The following KPTN variants were observed in gnomAD, a reference collection of about 807,000 sequenced individuals.
KPTN encodes kaptin, actin binding protein, also known as KICSTOR complex protein kaptin.
In KPTN, 36 loss-of-function variants were observed where a neutral mutation model predicts 52.6. That is an observed-to-expected ratio of 0.68 (90% CI 0.52 to 0.90). KPTN has a LOEUF of 0.90. Ranked by LOEUF, KPTN falls within the 40% of genes least tolerant of loss-of-function variation. The pLI is 0.00. For missense variants in KPTN, 529 were observed against 576.2 expected (o/e 0.92, Z 0.84); for synonymous variants, 271 against 248.4 (o/e 1.09, Z -0.85).
Position 47,483,594 on chromosome 19 carries a change from G to GA in KPTN, c.227-11dup. The GA allele has an allele frequency of 6.5e-7, 1 of 1,544,640 alleles. No homozygotes were observed. The highest frequency in any genetic ancestry group is 8.8e-7 in the Non-Finnish European group (1 of 1,140,390). ...ACAATCTCCGCATCCACTGGGAGGGGAGAGTTCTAAGTTCAGTGTCAGGCA... is the reference window on the plus strand; with the variant it reads ...ACAATCTCCGCATCCACTGGGAGGGGAAGAGTTCTAAGTTCAGTGTCAGGCA... On this transcript the variant is annotated splice_polypyrimidine_tract_variant and intron_variant, in intron 1 of 11. Coordinates refer to ENST00000338134, the MANE Select transcript of KPTN (RefSeq NM_007059.4).
chr19:47,480,336 C>T lies in KPTN; in HGVS notation c.671G>A (p.Gly224Asp), dbSNP rs1226640978. The change falls in exon 7 of 12, where the codon GGT becomes GAT. Residue 224 changes from glycine (G) to aspartate (D), a missense_variant. Coordinates refer to ENST00000338134, the MANE Select transcript of KPTN (RefSeq NM_007059.4). Reference protein sequence around the residue: ...RRLSALGCQSGYVRVAHVDQR... With the variant: ...RRLSALGCQSDYVRVAHVDQR... ...GTCCACGTGGGCGACACGGACATAA[C>T]CACTCTGACAGCCCAGAGCTGAGAG... is the stretch of plus-strand genomic sequence containing the variant. The T allele has an allele frequency of 1.3e-6, 2 of 1,516,970 alleles. No individual in the cohort carries two copies. Among genetic ancestry groups the T allele is most frequent in the Non-Finnish European group, 1.8e-6 (2 of 1,126,434 alleles). The allele number at this position is 1,516,970 out of a possible 1,614,324, so 94.0% of individuals were successfully genotyped here.
chr19:47,478,860 A>G (rs1967768528), intron 8 of KPTN, among the ~76,000 whole-genome samples: 1 of 152,208 alleles, frequency 6.6e-6, no homozygotes, highest in Non-Finnish European at 1.5e-5. Flanking sequence ...AAAGGCATAC[A>G]GAGTGTATAA....
rs372237508 is a variant in KPTN at position 47,484,057 on chromosome 19, G to T, written c.104C>A (p.Ala35Asp). 2.5e-6 allele frequency: 4 copies of T among 1,610,424 alleles called. No individual in the cohort carries two copies. The highest frequency in any genetic ancestry group is 2.7e-5 in the African/African-American group (2 of 74,894). ...QSNVYGLAGGAGGRGELLAAT... is the reference protein window; with the variant it reads ...QSNVYGLAGGDGGRGELLAAT... ...GGCCAGCAGCTCCCCGCGCCCGCCG[G>T]CGCCGCCTGCCAGCCCGTACACATT... Residue 35 changes from alanine (A) to aspartate (D), a missense_variant, in exon 1 of 12, where the codon GCC becomes GAC. Coordinates refer to ENST00000338134, the MANE Select transcript of KPTN (RefSeq NM_007059.4).
In KPTN at chr19:47,481,033, C is replaced by T. The variant is rs183189395; in HGVS notation, c.450G>A (p.Glu150=). ...TCTCAAGTTGATCCCCGACCTGGACCCTGAAAGCAGAGAAATCTAGAACCC... is the reference window on the plus strand; with the variant it reads ...TCTCAAGTTGATCCCCGACCTGGACTCTGAAAGCAGAGAAATCTAGAACCC... ...QFTPFQLCHA[E]VQVGDQLETV... Residue 150 remains glutamate (E), a splice_region_variant and synonymous_variant, in exon 5 of 12, where the codon GAG becomes GAA. Coordinates refer to ENST00000338134, the MANE Select transcript of KPTN (RefSeq NM_007059.4). The T allele has an allele frequency of 6.3e-7, 1 of 1,576,620 alleles. No individual in the cohort carries two copies. Among genetic ancestry groups the T allele is most frequent in the Non-Finnish European group, 8.6e-7 (1 of 1,159,646 alleles).
At position 47,475,302 on chromosome 19, in the gene KPTN, A is replaced by C; in HGVS notation, c.*114T>G. On this transcript the variant is annotated 3_prime_UTR_variant, in exon 12 of 12. Transcript: ENST00000338134. ...TGGGGCCCCAGGGCACAGCTTCACC[A>C]CCCTGGGGAGGTCTGGGGAGAGCAT... 7.5e-7 allele frequency: 1 copy of C among 1,324,524 alleles called. No individual in the cohort carries two copies. Among genetic ancestry groups the C allele is most frequent in the East Asian group, 2.6e-5 (1 of 38,788 alleles). The allele number at this position is 1,324,524 out of a possible 1,614,324, so 82.0% of individuals were successfully genotyped here.
chr19:47,483,435 C>T, intron 2 of KPTN, 56 bp from the exon 3 acceptor site: 3 of 1,595,614 alleles, frequency 1.9e-6, no homozygotes, highest in Non-Finnish European at 2.6e-6. Context: ...GGATCCGGGG[C>T]GGCTCAGTGG....
chr19:47,480,687 T>A, intron 6 of KPTN, 73 bp downstream of exon 6: 3 of 1,402,440 alleles, frequency 2.1e-6, no homozygotes, highest in Non-Finnish European at 3.0e-6. Context: ...CCAATTTCTC[T>A]AAGGTCTCAC....
intron 7 of KPTN, 23 bp downstream of exon 7, chr19:47,480,275 C>T: frequency 1.3e-5 from 11 of 817,996 alleles, no homozygotes; most frequent in Non-Finnish European, 1.8e-5. Context: ...CCACCCCTTA[C>T]CCCGCCTCAC....
In KPTN at chr19:47,484,170, T is replaced by C. The variant is rs1180178130; in HGVS notation, c.-10A>G. 1.9e-6 allele frequency: 3 copies of C among 1,588,134 alleles called. No individual in the cohort carries two copies. The highest frequency in any genetic ancestry group is 2.6e-6 in the Non-Finnish European group (3 of 1,173,164). ...CCGCCTCCCCCATCATGCCCCTCAG[T>C]TAAGCACCCTCTCCGCAGCCCCCGC... is the stretch of plus-strand genomic sequence containing the variant. On this transcript the variant is annotated 5_prime_UTR_variant, in exon 1 of 12. Coordinates refer to ENST00000338134, the MANE Select transcript of KPTN (RefSeq NM_007059.4).
intron 9 of KPTN, 127 bp from the exon 10 acceptor site, chr19:47,477,065 C>G: frequency 2.1e-6 from 2 of 949,076 alleles, no homozygotes; most frequent in South Asian, 1.7e-5. Context: ...CCTCCGGAAG[C>G]CTAGACATCA....
intron 9 of KPTN, among the ~76,000 whole-genome samples, chr19:47,477,440 T>C (rs1967709836): frequency 1.3e-5 from 2 of 152,158 alleles, no homozygotes; most frequent in Non-Finnish European, 2.9e-5. Context: ...TCCTCGTGCA[T>C]AGCCAGTGAT....
Position 47,477,689 on chromosome 19 carries a change from G to GTCTC in KPTN, c.863+13_863+16dup, listed in dbSNP as rs776990479. On this transcript the variant is annotated intron_variant, in intron 9 of 11. Transcript: ENST00000338134. ...AAAGAAGGTTAGACCACACCCATGT[G>GTCTC]TCTCAGGCCCCCTCACCGATACACC... The GTCTC allele has an allele frequency of 3.6e-5, 58 of 1,602,888 alleles. No individual in the cohort carries two copies. The Admixed American group carries it at 9.7e-4, about 27-fold the overall frequency.
In KPTN at chr19:47,479,907, C is replaced by T; in HGVS notation, c.743G>A (p.Gly248Asp). The T allele has an allele frequency of 1.9e-6, 3 of 1,613,638 alleles. No homozygotes were observed. The highest frequency in any genetic ancestry group is 2.2e-5 in the East Asian group (1 of 44,870). The change falls in exon 8 of 12, where the codon GGT (glycine) becomes GAT (aspartate). Residue 248 changes from glycine to aspartate, a missense_variant. Coordinates refer to ENST00000338134, the MANE Select transcript of KPTN (RefSeq NM_007059.4). ...VLQMWSVLQDGPISRVIVFSL... is the reference protein window; with the variant it reads ...VLQMWSVLQDDPISRVIVFSL... Reference sequence around the variant, plus strand: ...GAACACAATCACTCGGGAGATGGGACCGTCCTGCAGGACCGACCACATCTG... The same window carrying T: ...GAACACAATCACTCGGGAGATGGGATCGTCCTGCAGGACCGACCACATCTG...
chr19:47,477,674 A>G, intron 9 of KPTN, 32 bp downstream of exon 9: 1 of 1,552,260 alleles, frequency 6.4e-7, no homozygotes, highest in Non-Finnish European at 8.9e-7. Context: ...AAAGAAGGTT[A>G]GACCACACCC....
chr19:47,485,557 G>A (rs1968048054), upstream of KPTN, among the ~76,000 whole-genome samples: 1 of 152,214 alleles, frequency 6.6e-6, no homozygotes, highest in Non-Finnish European at 1.5e-5. Context: ...CTCCATGAAG[G>A]CAGCAGGCTG....
chr19:47,482,801 G>A (rs1459597013), intron 4 of KPTN, among the ~76,000 whole-genome samples: 1 of 152,148 alleles, frequency 6.6e-6, no homozygotes, highest in Non-Finnish European at 1.5e-5. Context: ...CGCCTCCCGG[G>A]TTCAAGTGAT....
intron 8 of KPTN, among the ~76,000 whole-genome samples, chr19:47,479,097 C>T (rs541068783): frequency 1.9e-4 from 29 of 152,272 alleles, no homozygotes; most frequent in Admixed American, 5.2e-4. Context: ...GGCTGGAGTG[C>T]AGTGGTGAGA....
At chr19:47,477,574 G>C in intron 9 of KPTN, 132 bp downstream of exon 9, 2 of 645,678 alleles carry the variant, frequency 3.1e-6, no homozygotes, top group Non-Finnish European at 5.6e-6. Flanking sequence ...CCCACCCCTG[G>C]GTCACGAGTA....
rs779125804 is a variant in KPTN at position 47,483,290 on chromosome 19, C to T, written c.394+5G>A. 1.9e-6 allele frequency: 3 copies of T among 1,613,976 alleles called. No homozygotes were observed. The highest frequency in any genetic ancestry group is 1.7e-6 in the Non-Finnish European group (2 of 1,179,896). On this transcript the variant is annotated splice_donor_5th_base_variant and intron_variant, in intron 3 of 11. Transcript: ENST00000338134. ...TCTCCCTCCTCCCGTCCACGCCTCA[C>T]TCACGGGCAATAGAGTCAAGGTTGT... is the stretch of plus-strand genomic sequence containing the variant.
Sources: gnomAD v4.1 joint callset for allele counts (sites outside exome capture counted in the v4.1 genomes callset) on GRCh38, gnomAD v4.1.1 for gene constraint, MANE v1.5 for transcripts, NCBI Gene and HGNC (gene_info 2026-07-23, HGNC 2026-07-21) for gene names.